Variants in PTPRD observed in about 807,000 individuals in gnomAD.
PTPRD encodes the protein receptor-type tyrosine-protein phosphatase delta.
PTPRD carries 34 observed loss-of-function variants against 214.5 expected under a neutral mutation model. The ratio of observed to expected loss-of-function variants is 0.16; its 90% CI spans 0.12 to 0.21. PTPRD has a LOEUF of 0.21. Among genes scored for constraint, PTPRD ranks in the 10% least tolerant of loss-of-function variants. The pLI, the probability that PTPRD is intolerant of heterozygous loss-of-function variation, is 1.00. For synonymous variants in PTPRD, 1,128 were observed against 845.7 expected, an observed-to-expected ratio of 1.33 and a Z score of -5.79; for missense variants, 2,545 against 2,398.7, an observed-to-expected ratio of 1.06 and a Z score of -1.27.
At chr9:9,148,528 C>A (rs180997148) in intron 10 of PTPRD, among the ~76,000 whole-genome samples, 2 of 152,230 alleles carry the variant, frequency 1.3e-5, no homozygotes, top group African/African-American at 4.8e-5. Flanking sequence ...CAAGTACTCA[C>A]CCCCATATGG....
intron 12 of PTPRD, among the ~76,000 whole-genome samples, chr9:8,730,797 C>G (rs140575260): frequency 6.6e-6 from 1 of 152,112 alleles, no homozygotes. Flanking sequence ...CTACCTAAAC[C>G]ACAAAACTGG....
intron 10 of PTPRD, among the ~76,000 whole-genome samples, chr9:9,144,775 A>C (rs1433907358): frequency 6.6e-6 from 1 of 152,078 alleles, no homozygotes; most frequent in Non-Finnish European, 1.5e-5. Flanking sequence ...CAAACAAAAA[A>C]CAAAAACAAA....
At chr9:9,772,086 G>T (rs1018199909) in intron 5 of PTPRD, among the ~76,000 whole-genome samples, 5 of 152,064 alleles carry the variant, frequency 3.3e-5, no homozygotes, top group African/African-American at 1.2e-4. Context: ...TTAGAGATAG[G>T]ATATTTTAAA....
chr9:10,332,122 T>C (rs2096762224), intron 3 of PTPRD, among the ~76,000 whole-genome samples: 1 of 151,890 alleles, frequency 6.6e-6, no homozygotes, highest in Non-Finnish European at 1.5e-5. Flanking sequence ...TGGATGCATT[T>C]CATGTGAAAG....
chr9:10,175,752 T>C (rs1008787562), intron 3 of PTPRD, among the ~76,000 whole-genome samples: 1 of 152,010 alleles, frequency 6.6e-6, no homozygotes, highest in Non-Finnish European at 1.5e-5. Context: ...TCAAAGTATG[T>C]GGAATAGTAT....
intron 7 of PTPRD, among the ~76,000 whole-genome samples, chr9:9,718,005 C>T (rs1209000443): frequency 6.6e-6 from 1 of 152,168 alleles, no homozygotes; most frequent in Non-Finnish European, 1.5e-5. Context: ...AAAATACCCT[C>T]ACAAAATTTC....
In PTPRD at chr9:8,347,400, A is replaced by C. The variant is rs577324393; in HGVS notation, c.4662-5422T>G. On this transcript the variant is annotated intron_variant, in intron 39 of 45. Coordinates refer to ENST00000381196, the MANE Select transcript of PTPRD (RefSeq NM_002839.4). ...CTGAGTGCCTACCATGTGCTGAGAC[A>C]TCGAAGAAGGAATGAGCAGAACAAA... Among the ~76,000 whole-genome samples, 11 of 152,222 alleles carry C rather than the reference A, an allele frequency of 7.2e-5. No individual in the cohort carries two copies. In the East Asian group the frequency reaches 2.1e-3, roughly 29 times the overall value.
rs192030009 is a variant in PTPRD at position 8,695,532 on chromosome 9, C to T, written c.64+38248G>A. 6.1e-4 allele frequency among the ~76,000 whole-genome samples: 93 copies of T among 151,362 alleles called. 1 individual carries two copies. The highest frequency in any genetic ancestry group is 2.2e-3 in the African/African-American group (90 of 40,738). ...TCTGTCAATAGTCTGTTTATATGCC[C>T]AGACACTATCAGATACCAATTTATA... is the stretch of plus-strand genomic sequence containing the variant. On this transcript the variant is annotated intron_variant, in intron 12 of 45. Transcript: ENST00000381196.
At position 9,653,506 on chromosome 9, in the gene PTPRD, C is replaced by A. The variant is rs146918501; in HGVS notation, c.-286-78725G>T. Among the ~76,000 whole-genome samples, 40 of 151,286 alleles carry A rather than the reference C, an allele frequency of 2.6e-4. 1 individual carries two copies. In the East Asian group the frequency reaches 7.9e-3, roughly 30 times the overall value. ...TGCAAAAGAAAAAACTGCACCTAAA[C>A]TTGTCCAGAAGCATCAGTTAAACAA... is the stretch of plus-strand genomic sequence containing the variant. On this transcript the variant is annotated intron_variant, in intron 7 of 45. Coordinates refer to ENST00000381196, the MANE Select transcript of PTPRD (RefSeq NM_002839.4).
rs879812917 is a variant in PTPRD at position 10,060,826 on chromosome 9, T to TCC, written c.-544-27037_-544-27036insGG. Among the ~76,000 whole-genome samples, 185 of 127,514 alleles carry TCC rather than the reference T, an allele frequency of 1.5e-3. 6 individuals are homozygous for TCC. The highest frequency in any genetic ancestry group is 4.2e-3 in the Admixed American group (60 of 14,160). 83.7% of individuals were successfully genotyped at this position (127,514 alleles called of 152,430 possible). A position where few individuals can be genotyped will look rare whatever the true frequency, so the allele number is the denominator to read the frequency against. ...TTCCTTTCTTTCTTTCTTTCTTTCT[T>TCC]TCTTCCTTCCTTCCTTCCTTTCCTT... On this transcript the variant is annotated intron_variant, in intron 3 of 45. Coordinates refer to ENST00000381196, the MANE Select transcript of PTPRD (RefSeq NM_002839.4).
intron 5 of PTPRD, among the ~76,000 whole-genome samples, chr9:9,838,795 C>T (rs1490458289): frequency 1.3e-5 from 2 of 152,028 alleles, no homozygotes; most frequent in Non-Finnish European, 1.5e-5. Context: ...TCAATTTTGG[C>T]TTTTGTTGCC....
At chr9:9,808,133 C>G (rs890001880) in intron 5 of PTPRD, among the ~76,000 whole-genome samples, 1 of 152,050 alleles carries the variant, frequency 6.6e-6, no homozygotes, top group Non-Finnish European at 1.5e-5. Flanking sequence ...GTTCTCTAAT[C>G]CTTATGTTTG....
At chr9:8,358,969 G>T (rs556231695) in intron 39 of PTPRD, among the ~76,000 whole-genome samples, 1 of 150,088 alleles carries the variant, frequency 6.7e-6, no homozygotes, top group African/African-American at 2.5e-5. Flanking sequence ...TTAGCCGGGC[G>T]TGGTGGCGGG....
chr9:10,277,638 G>T (rs371166742), intron 3 of PTPRD, among the ~76,000 whole-genome samples: 3 of 152,152 alleles, frequency 2.0e-5, no homozygotes, highest in Non-Finnish European at 4.4e-5. Flanking sequence ...CCTGATTCTT[G>T]TATAACTACT....
intron 14 of PTPRD, among the ~76,000 whole-genome samples, chr9:8,588,959 A>G (rs1189490260): frequency 1.3e-5 from 2 of 152,024 alleles, no homozygotes; most frequent in Non-Finnish European, 2.9e-5. Context: ...GTATTTAATA[A>G]AAGTTATTCT....
At chr9:9,476,328 A>T (rs2095040912) in intron 8 of PTPRD, among the ~76,000 whole-genome samples, 1 of 152,226 alleles carries the variant, frequency 6.6e-6, no homozygotes, top group Non-Finnish European at 1.5e-5. Flanking sequence ...TAAATTGTGA[A>T]TTACATGGTG....
At chr9:9,967,600 G>C (rs1193193827) in intron 4 of PTPRD, among the ~76,000 whole-genome samples, 2 of 152,144 alleles carry the variant, frequency 1.3e-5, no homozygotes, top group African/African-American at 4.8e-5. Flanking sequence ...TGAGGAACAT[G>C]AGGTTCATAG....
chr9:10,121,894 T>G (rs570351163), intron 3 of PTPRD, among the ~76,000 whole-genome samples: 1 of 152,194 alleles, frequency 6.6e-6, no homozygotes, highest in Non-Finnish European at 1.5e-5. Context: ...CACTCTGACT[T>G]TGACTACAAT....
intron 4 of PTPRD, among the ~76,000 whole-genome samples, chr9:9,955,415 C>A (rs183196936): frequency 6.6e-6 from 1 of 151,974 alleles, no homozygotes; most frequent in Non-Finnish European, 1.5e-5. Flanking sequence ...TAAAATAAAA[C>A]CTTGTCTTCT....
Sources: allele counts gnomAD v4.1 joint callset (sites outside exome capture counted in the v4.1 genomes callset), GRCh38; gene constraint gnomAD v4.1.1; transcripts MANE v1.5; gene names NCBI Gene and HGNC (gene_info 2026-07-23, HGNC 2026-07-21).